The following DPF2 variants were observed in gnomAD, a reference collection of about 807,000 sequenced individuals.
DPF2 encodes zinc finger protein ubi-d4.
Under a neutral mutation model 59.6 loss-of-function variants are expected in DPF2, and 10 were observed. That is an observed-to-expected ratio of 0.17 (90% CI 0.10 to 0.28). The LOEUF (loss-of-function observed/expected upper bound fraction) is 0.28, where lower values mean the gene tolerates loss of function less well. Among genes scored for constraint, DPF2 ranks in the 10% least tolerant of loss-of-function variants. The pLI is 1.00. For missense variants in DPF2, 315 were observed against 509.4 expected, an observed-to-expected ratio of 0.62 and a Z score of 3.67; for synonymous variants, 189 against 190.6, an observed-to-expected ratio of 0.99 and a Z score of 0.07.
At chr11:65,346,566 C>A in intron 9 of DPF2, 1 of 522,458 alleles carries the variant, frequency 1.9e-6, no homozygotes, top group Non-Finnish European at 3.4e-6. Context: ...CTGTTCTAGT[C>A]ACTAAAGATG....
chr11:65,340,361 G>T, intron 1 of DPF2, 24 bp from the exon 2 acceptor site: 1 of 1,612,538 alleles, frequency 6.2e-7, no homozygotes. Context: ...CAACATACAC[G>T]CCTGATTTCT....
intron 1 of DPF2, among the ~76,000 whole-genome samples, chr11:65,337,474 A>AATATATATATATAT (rs1196397460): frequency 2.2e-5 from 1 of 46,484 alleles, no homozygotes. Flanking sequence ...AAAAAAAAAA[A>AATATATATATATAT]ATATATATAT....
intron 1 of DPF2, among the ~76,000 whole-genome samples, chr11:65,337,504 T>TATATAG (rs1282367012): frequency 1.7e-3 from 37 of 21,388 alleles, no homozygotes; most frequent in South Asian, 3.2e-3. Context: ...TATATATATA[T>TATATAG]AGAGAGAGAG....
At chr11:65,348,766 C>T in intron 9 of DPF2, 84 bp from the exon 10 acceptor site, 2 of 1,364,074 alleles carry the variant, frequency 1.5e-6, no homozygotes, top group Non-Finnish European at 2.1e-6. Context: ...GCTACCTACC[C>T]CTCTTGGAAA....
intron 10 of DPF2, among the ~76,000 whole-genome samples, chr11:65,349,946 C>A (rs916388630): frequency 2.2e-4 from 34 of 152,126 alleles, no homozygotes; most frequent in Admixed American, 2.2e-3. Context: ...TGTAACATAT[C>A]GGTCAAACTG....
At chr11:65,341,743 T>C in intron 4 of DPF2, 181 bp downstream of exon 4, 1 of 725,738 alleles carries the variant, frequency 1.4e-6, no homozygotes. Context: ...CTGTTGCTTC[T>C]AACTATAGAC....
intron 6 of DPF2, chr11:65,344,823 C>A: frequency 1.6e-6 from 1 of 624,930 alleles, no homozygotes; most frequent in Non-Finnish European, 2.8e-6. Flanking sequence ...TCCCACAAAC[C>A]TGCTCCTAGA....
chr11:65,343,097 C>T (rs1382806579), intron 4 of DPF2, among the ~76,000 whole-genome samples: 2 of 151,738 alleles, frequency 1.3e-5, no homozygotes, highest in Non-Finnish European at 2.9e-5. Context: ...GTCGGGAGTT[C>T]GAGACCAGCC....
chr11:65,347,347 T>C (rs1029969389), intron 9 of DPF2: 2 of 152,050 alleles, frequency 1.3e-5, no homozygotes, highest in Non-Finnish European at 2.9e-5. Flanking sequence ...ATTTATTTAT[T>C]TTGAGACAGA....
chr11:65,343,633 G>A, intron 4 of DPF2, 112 bp from the exon 5 acceptor site: 1 of 923,446 alleles, frequency 1.1e-6, no homozygotes, highest in Non-Finnish European at 1.7e-6. Context: ...TGAGGCTGGT[G>A]TGGGTGGGAC....
At chr11:65,335,593 G>A (rs970758590) in intron 1 of DPF2, among the ~76,000 whole-genome samples, 2 of 152,212 alleles carry the variant, frequency 1.3e-5, no homozygotes, top group Non-Finnish European at 2.9e-5. Context: ...CTGAATGCCA[G>A]TAATGAGAAA....
intron 1 of DPF2, among the ~76,000 whole-genome samples, chr11:65,338,690 C>G (rs1397235227): frequency 1.3e-5 from 2 of 152,270 alleles, no homozygotes; most frequent in Admixed American, 6.5e-5. Flanking sequence ...TTGAATCACG[C>G]CAGGCTATAT....
At chr11:65,340,361 G>A (rs369788967) in intron 1 of DPF2, 24 bp from the exon 2 acceptor site, 9 of 1,612,420 alleles carry the variant, frequency 5.6e-6, no homozygotes, top group Admixed American at 1.7e-5. Context: ...CAACATACAC[G>A]CCTGATTTCT....
chr11:65,344,705 G>A (rs1360256263), intron 6 of DPF2: 1 of 1,427,020 alleles, frequency 7.0e-7, no homozygotes, highest in African/African-American at 1.4e-5. Flanking sequence ...CTCATTTCCT[G>A]GGATGCTAGC....
In DPF2 at chr11:65,340,380, T is replaced by C. The variant is rs572078771; in HGVS notation, c.33-5T>C. ...ATACACGCCTGATTTCTATCTTCCC[T>C]GCAGCCTTGGGGAGCAGTACTACAA... On this transcript the variant is annotated splice_polypyrimidine_tract_variant and splice_region_variant and intron_variant, in intron 1 of 10. Coordinates refer to ENST00000528416, the MANE Select transcript of DPF2 (RefSeq NM_006268.5). 2.5e-6 allele frequency: 4 copies of C among 1,613,730 alleles called. No homozygotes were observed. The African/African-American group carries it at 5.3e-5, about 22-fold the overall frequency.
chr11:65,334,022 G>C, intron 1 of DPF2, 104 bp downstream of exon 1: 1 of 1,508,640 alleles, frequency 6.6e-7, no homozygotes, highest in South Asian at 1.2e-5. Context: ...GACATCCCCG[G>C]GAAAGCCATG....
chr11:65,340,455 C>T lies in DPF2; in HGVS notation c.103C>T (p.Arg35Cys), dbSNP rs768145152. Residue 35 changes from arginine (R) to cysteine (C), a missense_variant, in exon 2 of 11, where the codon CGC becomes TGC. By Grantham distance (180) the Arg-to-Cys change is radical. Transcript: ENST00000528416. ...TTACAATGCTCGCCTCTGTGCTGAGCGCAGCGTGCGCCTGCCTTTCTTGGA... is the reference window on the plus strand; with the variant it reads ...TTACAATGCTCGCCTCTGTGCTGAGTGCAGCGTGCGCCTGCCTTTCTTGGA... Reference protein sequence around the residue: ...HNYNARLCAERSVRLPFLDSQ... With the variant: ...HNYNARLCAECSVRLPFLDSQ... 1 of 1,614,232 alleles carries T rather than the reference C, an allele frequency of 6.2e-7. No homozygotes were observed. Among genetic ancestry groups the T allele is most frequent in the Non-Finnish European group, 8.5e-7 (1 of 1,180,034 alleles).
At chr11:65,344,469 C>T in intron 6 of DPF2, 1 of 1,036,114 alleles carries the variant, frequency 9.7e-7, no homozygotes, top group Non-Finnish European at 1.4e-6. Context: ...ACCCTGGGAG[C>T]ACCATCGCCG....
At chr11:65,337,487 A>G (rs1203696512) in intron 1 of DPF2, among the ~76,000 whole-genome samples, 4 of 61,722 alleles carry the variant, frequency 6.5e-5, no homozygotes, top group South Asian at 1.2e-3. Flanking sequence ...ATATATATAT[A>G]TATATATATA....
Sources: allele counts gnomAD v4.1 joint callset (sites outside exome capture counted in the v4.1 genomes callset), GRCh38; gene constraint gnomAD v4.1.1; transcripts MANE v1.5; gene names NCBI Gene and HGNC (gene_info 2026-07-23, HGNC 2026-07-21).